The following SLIT3 variants were observed in gnomAD, a reference collection of about 807,000 sequenced individuals.
SLIT3 encodes the protein slit guidance ligand 3.
In SLIT3, 68 loss-of-function variants were observed where a neutral mutation model predicts 184.0. The observed-to-expected ratio is 0.37, with a 90% CI of 0.30 to 0.45. The LOEUF (loss-of-function observed/expected upper bound fraction) is 0.45. Ranked by LOEUF, SLIT3 falls within the 20% of genes least tolerant of loss-of-function variation. SLIT3 has a pLI of 1.00. For missense variants in SLIT3, 1,707 were observed against 2,026.0 expected (o/e 0.84, Z 3.02); for synonymous variants, 831 against 828.6 (o/e 1.00, Z -0.05).
At chr5:169,039,970 C>T (rs567960651) in intron 4 of SLIT3, among the ~76,000 whole-genome samples, 1 of 152,282 alleles carries the variant, frequency 6.6e-6, no homozygotes, top group East Asian at 1.9e-4. Context: ...TCAAAGGACC[C>T]TATCATTTAG....
At position 168,784,132 on chromosome 5, in the gene SLIT3, C is replaced by T. The variant is rs1756071141; in HGVS notation, c.1151+1775G>A. Among the ~76,000 whole-genome samples the T allele has an allele frequency of 3.3e-5, 5 of 152,266 alleles. No homozygotes were observed. The South Asian group carries it at 1.0e-3, about 32-fold the overall frequency. ...CACACAGATTATAAAAGGAAAATCA[C>T]ACCAGCTTGGTGGAACACAACACTG... On this transcript the variant is annotated intron_variant, in intron 12 of 35. Transcript: ENST00000519560.
chr5:169,293,499 C>G (rs73319601), intron 1 of SLIT3, among the ~76,000 whole-genome samples: 1 of 152,140 alleles, frequency 6.6e-6, no homozygotes, highest in Admixed American at 6.5e-5. Flanking sequence ...AGGAGGTCTA[C>G]ACTCAGTAAG....
chr5:169,299,626 T>G (rs997939677), intron 1 of SLIT3, among the ~76,000 whole-genome samples: 1 of 151,522 alleles, frequency 6.6e-6, no homozygotes, highest in South Asian at 2.1e-4. Context: ...CACCCCGGAG[T>G]CCAAGTTTTG....
intron 4 of SLIT3, among the ~76,000 whole-genome samples, chr5:169,122,253 G>T (rs1760908180): frequency 3.9e-5 from 6 of 152,152 alleles, no homozygotes; most frequent in Admixed American, 3.9e-4. Context: ...ACAAGCCAAG[G>T]TCTCAGACCA....
chr5:169,172,564 C>A (rs1380764336), intron 4 of SLIT3, among the ~76,000 whole-genome samples: 1 of 152,118 alleles, frequency 6.6e-6, no homozygotes, highest in Non-Finnish European at 1.5e-5. Flanking sequence ...ATTTATTTGA[C>A]CAGGATCCTT....
At chr5:168,928,787 C>T (rs553299448) in intron 4 of SLIT3, among the ~76,000 whole-genome samples, 1 of 152,264 alleles carries the variant, frequency 6.6e-6, no homozygotes, top group East Asian at 1.9e-4. Context: ...ACTTTCACAC[C>T]TATTTCTCCC....
rs80305307 is a variant in SLIT3, at chr5:168,715,417, C to T, written c.2484-3063G>A. The stretch of plus-strand genomic sequence containing the variant: ...GTTTGGCCTCTGTATGAACCTATGG[C>T]TCAGGTCTGGCCAATCAGAGTCACA... On this transcript the variant is annotated intron_variant, in intron 23 of 35. Coordinates refer to ENST00000519560, the MANE Select transcript of SLIT3 (RefSeq NM_003062.4). Among the ~76,000 whole-genome samples the T allele has an allele frequency of 1.6e-3, 244 of 152,326 alleles. 1 individual carries two copies. Among genetic ancestry groups the T allele is most frequent in the African/African-American group, 5.5e-3 (230 of 41,578 alleles).
At chr5:168,836,507 A>C (rs1758059843) in intron 6 of SLIT3, among the ~76,000 whole-genome samples, 1 of 152,118 alleles carries the variant, frequency 6.6e-6, no homozygotes, top group South Asian at 2.1e-4. Flanking sequence ...CCTGCCCTCC[A>C]CATCTTGCCC....
chr5:169,264,545 G>T (rs1048733973), intron 1 of SLIT3, among the ~76,000 whole-genome samples: 1 of 152,164 alleles, frequency 6.6e-6, no homozygotes, highest in South Asian at 2.1e-4. Flanking sequence ...GTCCTAATGG[G>T]TGTCTTCCTC....
At chr5:168,765,601 T>C (rs902078102) in intron 14 of SLIT3, among the ~76,000 whole-genome samples, 5 of 152,224 alleles carry the variant, frequency 3.3e-5, no homozygotes, top group African/African-American at 1.2e-4. Context: ...TGCTCATAAC[T>C]ACCCCAAAGT....
intron 35 of SLIT3, 173 bp from the exon 36 acceptor site, chr5:168,666,862 G>GCCTTTCC: frequency 9.5e-7 from 1 of 1,052,266 alleles, no homozygotes; most frequent in Non-Finnish European, 1.4e-6. Context: ...ACAAACAGGT[G>GCCTTTCC]CCTTTCCTGT....
At chr5:168,749,402 T>G in intron 19 of SLIT3, 70 bp downstream of exon 19, 1 of 1,560,796 alleles carries the variant, frequency 6.4e-7, no homozygotes. Flanking sequence ...AGTATCTGAT[T>G]GTGCATCTTC....
intron 12 of SLIT3, among the ~76,000 whole-genome samples, chr5:168,782,602 G>A (rs1756013906): frequency 6.6e-6 from 1 of 152,188 alleles, no homozygotes. Flanking sequence ...CAGTGAGGAG[G>A]AAGACAGGTC....
intron 14 of SLIT3, among the ~76,000 whole-genome samples, chr5:168,771,773 CAAG>C (rs772763320): frequency 5.3e-5 from 8 of 152,290 alleles, no homozygotes; most frequent in Non-Finnish European, 1.0e-4. Context: ...ACTTAAAGGA[CAAG>C]AAGATGTTGT....
intron 4 of SLIT3, among the ~76,000 whole-genome samples, chr5:169,052,356 CA>C (rs1418456100): frequency 1.1e-4 from 16 of 152,114 alleles, no homozygotes; most frequent in African/African-American, 3.9e-4. Context: ...GAGGCCACAA[CA>C]GATTTATAAG....
chr5:168,779,589 A>G (rs1310410636), intron 12 of SLIT3, among the ~76,000 whole-genome samples: 2 of 152,218 alleles, frequency 1.3e-5, no homozygotes. Flanking sequence ...TACCCAGCAT[A>G]GCTGTGCTGC....
chr5:169,098,665 C>A (rs768272081), intron 4 of SLIT3, among the ~76,000 whole-genome samples: 4 of 152,174 alleles, frequency 2.6e-5, no homozygotes, highest in Non-Finnish European at 5.9e-5. Flanking sequence ...GATGTGCCCA[C>A]CTACAAATGT....
chr5:169,235,685 C>T (rs1765170780), intron 3 of SLIT3, among the ~76,000 whole-genome samples: 1 of 152,052 alleles, frequency 6.6e-6, no homozygotes, highest in Non-Finnish European at 1.5e-5. Flanking sequence ...TTTCTGATTT[C>T]CCTTGTTTTT....
In SLIT3 at chr5:169,011,038, A is replaced by G. The variant is rs184167012; in HGVS notation, c.414-127702T>C. Among the ~76,000 whole-genome samples, 7 of 152,284 alleles carry G rather than the reference A, an allele frequency of 4.6e-5. No individual in the cohort carries two copies. In the East Asian group the frequency reaches 1.3e-3, roughly 29 times the overall value. On this transcript the variant is annotated intron_variant, in intron 4 of 35. Transcript: ENST00000519560. ...AAATGTGGGTCTAATTATTTCCAGA[A>G]AGAAGAGCAGGGCTCAGGGAAGCTA...
Sources: gnomAD v4.1 joint callset for allele counts (sites outside exome capture counted in the v4.1 genomes callset) on GRCh38, gnomAD v4.1.1 for gene constraint, MANE v1.5 for transcripts, NCBI Gene and HGNC (gene_info 2026-07-23, HGNC 2026-07-21) for gene names.